The following LRCH1 variants were observed in gnomAD, a reference collection of about 807,000 sequenced individuals.
LRCH1 encodes leucine-rich repeat and calponin homology domain-containing protein 1.
A neutral mutation model predicts 94.9 loss-of-function variants in LRCH1; 23 were observed. The observed-to-expected ratio is 0.24, with a 90% CI of 0.17 to 0.34. LRCH1 has a LOEUF of 0.34. LRCH1 is among the 10% of genes least tolerant of loss of function. The probability of loss-of-function intolerance (pLI) is 1.00; values close to 1 mark genes in which losing one functional copy is unlikely to be tolerated. For synonymous variants in LRCH1, 364 were observed against 354.9 expected (o/e 1.03, Z -0.29); for missense variants, 790 against 945.9 (o/e 0.84, Z 2.16).
intron 2 of LRCH1, among the ~76,000 whole-genome samples, chr13:46,660,271 C>T (rs181397477): frequency 6.6e-6 from 1 of 152,136 alleles, no homozygotes; most frequent in African/African-American, 2.4e-5. Flanking sequence ...ACCTCGGCCT[C>T]CCAAAGTGCT....
intron 18 of LRCH1, chr13:46,750,533 C>G: frequency 6.5e-7 from 1 of 1,535,680 alleles, no homozygotes; most frequent in Non-Finnish European, 8.8e-7. Flanking sequence ...ATTCTTTTTC[C>G]TTTTAGGAAA....
At chr13:46,625,788 G>A (rs560467465) in intron 1 of LRCH1, among the ~76,000 whole-genome samples, 28 of 152,028 alleles carry the variant, frequency 1.8e-4, no homozygotes, top group Non-Finnish European at 4.0e-4. Flanking sequence ...CAGGTAGCTG[G>A]GACCACGGGC....
rs79078473 is a variant in LRCH1 at position 46,686,068 on chromosome 13, G to A, written c.822+27G>A. 2,998 of 1,521,518 alleles carry A rather than the reference G, an allele frequency of 2.0e-3. 44 individuals carry two copies. In the African/African-American group the frequency reaches 0.037, roughly 19 times the overall value. The allele number at this position is 1,521,518 out of a possible 1,614,324, so 94.3% of individuals were successfully genotyped here. Reference sequence around the variant, plus strand: ...TGAGGGGTCTTGCAGCAAAGCCAATGCCCCATGGGATGTGCTGTTATAGGA... The same window carrying A: ...TGAGGGGTCTTGCAGCAAAGCCAATACCCCATGGGATGTGCTGTTATAGGA... On this transcript the variant is annotated intron_variant, in intron 5 of 19. Transcript: ENST00000389797.
At position 46,743,454 on chromosome 13, in the gene LRCH1, A is replaced by G; in HGVS notation, c.*1606A>G. The G allele has an allele frequency of 1.0e-6, 1 of 985,898 alleles. No individual in the cohort carries two copies. The allele number at this position is 985,898 out of a possible 1,614,324, so 61.1% of individuals were successfully genotyped here. On this transcript the variant is annotated 3_prime_UTR_variant, in exon 20 of 20. Coordinates refer to ENST00000389797, the MANE Select transcript of LRCH1 (RefSeq NM_001164211.2). ...AAGTTATCTAATTAACCTCAGTTGT[A>G]TATGAATAACCCACAGATGTACTGA...
rs1244207323 is a variant in LRCH1 at position 46,626,271 on chromosome 13, A to G, written c.308-23930A>G. Among the ~76,000 whole-genome samples the G allele has an allele frequency of 3.9e-5, 6 of 152,274 alleles. No homozygotes were observed. In the East Asian group the frequency reaches 5.8e-4, roughly 15 times the overall value. ...TGGTTGTATTACACTATTAATGACT[A>G]TGGGTAGTGTCAGACCCCGAGCCCA... On this transcript the variant is annotated intron_variant, in intron 1 of 19. Coordinates refer to ENST00000389797, the MANE Select transcript of LRCH1 (RefSeq NM_001164211.2).
intron 1 of LRCH1, among the ~76,000 whole-genome samples, chr13:46,615,676 T>C (rs2050799438): frequency 6.6e-6 from 1 of 152,198 alleles, no homozygotes; most frequent in African/African-American, 2.4e-5. Context: ...TTCCCAAGAC[T>C]AAAAAGGGTT....
intron 1 of LRCH1, among the ~76,000 whole-genome samples, chr13:46,572,030 A>G (rs78391414): frequency 0.014 from 2,170 of 152,226 alleles, 38 homozygotes; most frequent in Non-Finnish European, 0.018. Flanking sequence ...ATTCTCATCC[A>G]TGCTGGGGAC....
At chr13:46,614,163 T>C (rs2050779063) in intron 1 of LRCH1, among the ~76,000 whole-genome samples, 1 of 152,184 alleles carries the variant, frequency 6.6e-6, no homozygotes, top group Non-Finnish European at 1.5e-5. Context: ...AAATTTGTAA[T>C]ATATAATGCA....
intron 11 of LRCH1, among the ~76,000 whole-genome samples, 190 bp downstream of exon 11, chr13:46,701,397 G>A (rs1290942718): frequency 6.6e-6 from 1 of 152,180 alleles, no homozygotes; most frequent in East Asian, 1.9e-4. Flanking sequence ...TCTGGAGGGA[G>A]TGAGATCAAT....
chr13:46,711,904 CTT>C, intron 14 of LRCH1, 60 bp downstream of exon 14: 1 of 1,242,214 alleles, frequency 8.1e-7, no homozygotes, highest in Non-Finnish European at 1.2e-6. Flanking sequence ...ATTGGAATAT[CTT>C]TTACAGAAAT....
At chr13:46,634,121 G>A (rs1453491149) in intron 1 of LRCH1, among the ~76,000 whole-genome samples, 1 of 152,004 alleles carries the variant, frequency 6.6e-6, no homozygotes, top group Non-Finnish European at 1.5e-5. Context: ...CTCGTGATCT[G>A]CCCGCCTCAG....
In LRCH1 at chr13:46,741,659, G is replaced by T. The variant is rs776549538; in HGVS notation, c.2103G>T (p.Pro701=). The T allele has an allele frequency of 6.2e-7, 1 of 1,614,066 alleles. No individual in the cohort carries two copies. The highest frequency in any genetic ancestry group is 8.5e-7 in the Non-Finnish European group (1 of 1,179,994). ...CGGAATAGGCTGACCTCTGCTCTCC[G>T]TGTGACATCCTGCAGTTGGATTTTC... ...LGVPEADLCS[P]CDILQLDFRH... is the part of the protein sequence containing the mutation. Residue 701 remains proline (P), a synonymous_variant, in exon 20 of 20, where the codon CCG becomes CCT. Coordinates refer to ENST00000389797, the MANE Select transcript of LRCH1 (RefSeq NM_001164211.2).
chr13:46,672,472 T>C (rs984167437), intron 3 of LRCH1, among the ~76,000 whole-genome samples: 3 of 152,170 alleles, frequency 2.0e-5, no homozygotes, highest in African/African-American at 7.2e-5. Flanking sequence ...ATGCCTTCCA[T>C]CAGCTGTGCT....
chr13:46,582,081 C>T (rs979107124), intron 1 of LRCH1, among the ~76,000 whole-genome samples: 45 of 139,940 alleles, frequency 3.2e-4, no homozygotes, highest in African/African-American at 9.4e-4. Context: ...ACCTGGGAGG[C>T]GGAGTTTGCA....
At chr13:46,720,240 A>G (rs1008711317) in intron 16 of LRCH1, among the ~76,000 whole-genome samples, 4 of 152,008 alleles carry the variant, frequency 2.6e-5, no homozygotes, top group African/African-American at 9.7e-5. Flanking sequence ...TATAAAACTT[A>G]GCCAGGCATG....
At chr13:46,635,712 C>T (rs1161797593) in intron 1 of LRCH1, among the ~76,000 whole-genome samples, 1 of 151,362 alleles carries the variant, frequency 6.6e-6, no homozygotes, top group African/African-American at 2.4e-5. Context: ...ACCTCGTGAT[C>T]CACCTGCCTC....
chr13:46,605,080 A>T (rs1004419480), intron 1 of LRCH1, among the ~76,000 whole-genome samples: 3 of 152,246 alleles, frequency 2.0e-5, no homozygotes. Flanking sequence ...GCCAGCAGGC[A>T]TCTGCTTTCT....
chr13:46,717,961 G>A (rs981433438), intron 16 of LRCH1, among the ~76,000 whole-genome samples: 3 of 152,158 alleles, frequency 2.0e-5, no homozygotes, highest in African/African-American at 7.2e-5. Flanking sequence ...CCCATAAGGT[G>A]GATGAAGGAG....
At chr13:46,698,576 T>TAC (rs988010235) in intron 9 of LRCH1, among the ~76,000 whole-genome samples, 9 of 152,300 alleles carry the variant, frequency 5.9e-5, no homozygotes, top group African/African-American at 2.2e-4. Context: ...TTTTCCCCAC[T>TAC]ACACACATAT....
Sources: gnomAD v4.1 joint callset for allele counts (sites outside exome capture counted in the v4.1 genomes callset) on GRCh38, gnomAD v4.1.1 for gene constraint, MANE v1.5 for transcripts, NCBI Gene and HGNC (gene_info 2026-07-23, HGNC 2026-07-21) for gene names.